PROKR2: variants seen among roughly 807,000 people sequenced by gnomAD.
The protein encoded by PROKR2 is prokineticin receptor 2.
In PROKR2, 26 loss-of-function variants were observed where a neutral mutation model predicts 23.4. The ratio of observed to expected loss-of-function variants is 1.11; its 90% confidence interval spans 0.81 to 1.54. The LOEUF is 1.54. PROKR2 is among the 40% of genes most tolerant of loss of function. The pLI, the probability that PROKR2 is intolerant of heterozygous loss-of-function variation, is 0.00. For synonymous variants in PROKR2, 212 were observed against 201.2 expected (o/e 1.05, Z -0.45); for missense variants, 453 against 511.5 (o/e 0.89, Z 1.10).
rs7351709 is a variant in PROKR2 at position 5,316,152 on chromosome 20, T to C, written c.-9+342A>G. 146,248 of 456,394 alleles carry C rather than the reference T, an allele frequency of 0.32. 24,386 individuals are homozygous for C. The highest frequency in any genetic ancestry group is 0.39 in the East Asian group (5,565 of 14,342). The allele number at this position is 456,394 out of a possible 1,614,324, so 28.3% of individuals were successfully genotyped here. A position where few individuals can be genotyped will look rare whatever the true frequency, so the allele number is the denominator to read the frequency against. The stretch of plus-strand genomic sequence containing the variant: ...TGCGCGGGAATTTCCCCACGGACGC[T>C]TGCTGTTTCCTGCTCACCTTTCAGG... On this transcript the variant is annotated intron_variant, in intron 1 of 2. Transcript: ENST00000678254. The surrounding 1 kb of genome is among the most constrained non-coding windows in gnomAD (Gnocchi z 5.0).
intron 1 of PROKR2, chr20:5,315,896 G>A: frequency 2.2e-6 from 1 of 456,420 alleles, no homozygotes; most frequent in South Asian, 1.5e-5. Flanking sequence ...ACAAGAGGGC[G>A]CGCGCCCGGG....
At position 5,300,605 on chromosome 20, in the gene PROKR2, G is replaced by A. The variant is rs1453374027; in HGVS notation, c.*1435C>T. 6.6e-6 allele frequency among the ~76,000 whole-genome samples: 1 copy of A among 152,186 alleles called. No homozygotes were observed. Among genetic ancestry groups the A allele is most frequent in the East Asian group, 1.9e-4 (1 of 5,202 alleles). On this transcript the variant is annotated 3_prime_UTR_variant, in exon 3 of 3. Transcript: ENST00000678254. ...CCAACAGTCTTGCAAGGTATGAAGA[G>A]CGGATATTTTCATCATCGCCATTTC...
Position 5,302,326 on chromosome 20 carries a change from G to A in PROKR2, c.869C>T (p.Pro290Leu), listed in dbSNP as rs758067611. ...ACGAACGATGGTGAAACCGTAGAAG[G>A]GTGCCCAGCACAGCACATAGGCCGT... is the stretch of plus-strand genomic sequence containing the variant. ...ILTAYVLCWAPFYGFTIVRDF... is the reference protein window; with the variant it reads ...ILTAYVLCWALFYGFTIVRDF... Residue 290 changes from proline (P) to leucine (L), a missense_variant, in exon 3 of 3, where the codon CCC becomes CTC. Physicochemically the swap from Pro to Leu is moderately conservative, Grantham distance 98 (BLOSUM62 -3). Coordinates refer to ENST00000678254, the MANE Select transcript of PROKR2 (RefSeq NM_144773.4). 2 of 1,614,084 alleles carry A rather than the reference G, an allele frequency of 1.2e-6. No individual in the cohort carries two copies. The highest frequency in any genetic ancestry group is 1.7e-6 in the Non-Finnish European group (2 of 1,180,040).
chr20:5,309,332 T>C (rs1979344948), intron 2 of PROKR2, among the ~76,000 whole-genome samples: 1 of 152,218 alleles, frequency 6.6e-6, no homozygotes, highest in South Asian at 2.1e-4. Flanking sequence ...TGTGCTAAAA[T>C]CAAGATGTTG....
intron 2 of PROKR2, 83 bp downstream of exon 2, chr20:5,313,829 A>G (rs548705815): frequency 1.7e-6 from 2 of 1,160,044 alleles, no homozygotes; most frequent in Admixed American, 3.9e-5. Context: ...TCCTATCTGG[A>G]GCAATGTCAG....
chr20:5,314,658 C>G (rs1385076178), intron 1 of PROKR2, among the ~76,000 whole-genome samples: 1 of 152,212 alleles, frequency 6.6e-6, no homozygotes, highest in East Asian at 1.9e-4. Context: ...TTGGGAAACC[C>G]TCCGTGGCTG....
chr20:5,313,387 G>A (rs754597978), intron 2 of PROKR2, among the ~76,000 whole-genome samples: 20 of 152,108 alleles, frequency 1.3e-4, no homozygotes, highest in African/African-American at 3.6e-4. Context: ...CAGCACATAC[G>A]TTATGTTTTT....
At chr20:5,314,774 C>T (rs1029712746) in intron 1 of PROKR2, among the ~76,000 whole-genome samples, 2 of 152,216 alleles carry the variant, frequency 1.3e-5, no homozygotes, top group African/African-American at 2.4e-5. Context: ...TCTTTGTCTG[C>T]CCAGTCACAT....
In PROKR2 at chr20:5,301,973, A is replaced by T. The variant is rs3746681; in HGVS notation, c.*67T>A. Reference sequence around the variant, plus strand: ...ATGTCATTTCCCATGCAGCCTATGAACTTGGTTGATGGTGGGTGATGCTCT... The same window carrying T: ...ATGTCATTTCCCATGCAGCCTATGATCTTGGTTGATGGTGGGTGATGCTCT... On this transcript the variant is annotated 3_prime_UTR_variant, in exon 3 of 3. Transcript: ENST00000678254. 646,169 of 1,417,880 alleles carry T rather than the reference A, an allele frequency of 0.46. 149,233 individuals carry two copies. The highest frequency in any genetic ancestry group is 0.5 in the South Asian group (41,754 of 82,950). The allele number at this position is 1,417,880 out of a possible 1,614,324, so 87.8% of individuals were successfully genotyped here. A position where few individuals can be genotyped will look rare whatever the true frequency, so the allele number is the denominator to read the frequency against.
rs1978923989 is a variant in PROKR2 at position 5,299,871 on chromosome 20, C to T, written c.*2169G>A. Among the ~76,000 whole-genome samples the T allele has an allele frequency of 6.6e-6, 1 of 152,150 alleles. No individual in the cohort carries two copies. The highest frequency in any genetic ancestry group is 1.5e-5 in the Non-Finnish European group (1 of 68,040). On this transcript the variant is annotated 3_prime_UTR_variant, in exon 3 of 3. Transcript: ENST00000678254. The stretch of plus-strand genomic sequence containing the variant: ...AACTCCTGACCTCAGGTGATCTGCC[C>T]ATCTTGGCCTCCCGAAGTGCTGGGA...
In PROKR2 at chr20:5,316,435, C is replaced by G. The variant is rs1422818635; in HGVS notation, c.-9+59G>C. The G allele has an allele frequency of 1.1e-5, 5 of 453,160 alleles. No individual in the cohort carries two copies. The highest frequency in any genetic ancestry group is 6.0e-5 in the African/African-American group (3 of 50,046). The allele number at this position is 453,160 out of a possible 1,614,324, so 28.1% of individuals were successfully genotyped here. ...AAAGTGGGCGTCAGAGGCCCTTGTC[C>G]TAGCGACTCCCCCACCGCACCGACT... On this transcript the variant is annotated intron_variant, in intron 1 of 2. Transcript: ENST00000678254. This position sits in a 1 kb window ranked among gnomAD's most constrained non-coding sequence, Gnocchi z 5.0.
intron 1 of PROKR2, among the ~76,000 whole-genome samples, chr20:5,315,125 G>A (rs1035644701): frequency 6.8e-6 from 1 of 146,456 alleles, no homozygotes; most frequent in Non-Finnish European, 1.5e-5. Context: ...GTGGGGGCTA[G>A]ACAGACATCT....
intron 2 of PROKR2, among the ~76,000 whole-genome samples, chr20:5,306,253 C>G (rs1198585934): frequency 6.7e-6 from 1 of 150,048 alleles, no homozygotes; most frequent in Non-Finnish European, 1.5e-5. Flanking sequence ...AACATTTTCC[C>G]ATTGGAATTC....
intron 2 of PROKR2, among the ~76,000 whole-genome samples, chr20:5,308,084 A>G (rs1468424702): frequency 6.6e-6 from 1 of 152,226 alleles, no homozygotes; most frequent in Non-Finnish European, 1.5e-5. Context: ...GTCTTTGTAT[A>G]GTCTGCAGAT....
chr20:5,310,961 C>T (rs555451880), intron 2 of PROKR2, among the ~76,000 whole-genome samples: 40 of 152,298 alleles, frequency 2.6e-4, no homozygotes, highest in African/African-American at 5.5e-4. Flanking sequence ...TTTAGAAAGA[C>T]AGCAAATTAA....
Position 5,300,607 on chromosome 20 carries a change from G to A in PROKR2, c.*1433C>T, listed in dbSNP as rs4815785. Among the ~76,000 whole-genome samples, 111,226 of 152,094 alleles carry A rather than the reference G, an allele frequency of 0.73. 40,654 individuals are homozygous for A. The highest frequency in any genetic ancestry group is 0.77 in the South Asian group (3,704 of 4,816). ...AACAGTCTTGCAAGGTATGAAGAGC[G>A]GATATTTTCATCATCGCCATTTCAT... On this transcript the variant is annotated 3_prime_UTR_variant, in exon 3 of 3. Coordinates refer to ENST00000678254, the MANE Select transcript of PROKR2 (RefSeq NM_144773.4).
chr20:5,316,749 C>T lies in PROKR2; in HGVS notation c.-264G>A, dbSNP rs909528721. Among the ~76,000 whole-genome samples, 25 of 152,222 alleles carry T rather than the reference C, an allele frequency of 1.6e-4. No individual in the cohort carries two copies. The highest frequency in any genetic ancestry group is 6.0e-4 in the African/African-American group (25 of 41,464). ...CTTTCCAGCGTCTCGGACCTGTGCG[C>T]CCCGCCCCGCGCTGGACTCCGCCCC... is the stretch of plus-strand genomic sequence containing the variant. On this transcript the variant is annotated 5_prime_UTR_variant, in exon 1 of 3. Coordinates refer to ENST00000678254, the MANE Select transcript of PROKR2 (RefSeq NM_144773.4). This position sits in a 1 kb window ranked among gnomAD's most constrained non-coding sequence, Gnocchi z 5.0.
At chr20:5,310,658 G>GCTCCCTCCT (rs1979405489) in intron 2 of PROKR2, among the ~76,000 whole-genome samples, 2 of 150,478 alleles carry the variant, frequency 1.3e-5, no homozygotes, top group African/African-American at 4.9e-5. Flanking sequence ...CCTCATCAAT[G>GCTCCCTCCT]ACCTCCCACC....
intron 2 of PROKR2, among the ~76,000 whole-genome samples, chr20:5,307,104 C>T (rs1979246983): frequency 6.6e-6 from 1 of 152,236 alleles, no homozygotes; most frequent in South Asian, 2.1e-4. Flanking sequence ...CCGAGGACCC[C>T]CCATTTGCAG....
Sources: allele counts gnomAD v4.1 joint callset (sites outside exome capture counted in the v4.1 genomes callset), GRCh38; gene constraint gnomAD v4.1.1; non-coding constraint Gnocchi (gnomAD v3.1); transcripts MANE v1.5; gene names NCBI Gene and HGNC (gene_info 2026-07-23, HGNC 2026-07-21).